SMYD3: variants seen among roughly 807,000 people sequenced by gnomAD.
SMYD3 encodes the protein SET and MYND domain containing 3.
SMYD3 carries 36 observed loss-of-function variants against 57.7 expected under a neutral mutation model. The ratio of observed to expected loss-of-function variants is 0.62; its 90% CI spans 0.48 to 0.82. SMYD3 has a LOEUF of 0.82. Among genes scored for constraint, SMYD3 ranks in the 40% least tolerant of loss-of-function variants. The pLI, the probability that SMYD3 is intolerant of heterozygous loss-of-function variation, is 0.00. For missense variants in SMYD3, 515 were observed against 538.8 expected (o/e 0.96, Z 0.44); for synonymous variants, 211 against 195.0 (o/e 1.08, Z -0.68).
chr1:246,307,445 A>G (rs1320676502), intron 5 of SMYD3, among the ~76,000 whole-genome samples: 6 of 107,910 alleles, frequency 5.6e-5, no homozygotes, highest in South Asian at 3.1e-4. Context: ...TTTGAGACGG[A>G]GTCTCGCTCT....
At chr1:245,786,824 C>T (rs1463827767) in intron 10 of SMYD3, among the ~76,000 whole-genome samples, 1 of 152,074 alleles carries the variant, frequency 6.6e-6, no homozygotes, top group Non-Finnish European at 1.5e-5. Context: ...AATACTGTTG[C>T]TACCAGCTGT....
chr1:246,153,515 T>G (rs1309477023), intron 5 of SMYD3, among the ~76,000 whole-genome samples: 1 of 152,200 alleles, frequency 6.6e-6, no homozygotes, highest in Non-Finnish European at 1.5e-5. Context: ...TCACCCAGGC[T>G]GGAGTGCAGT....
chr1:246,183,529 T>C (rs897295434), intron 5 of SMYD3, among the ~76,000 whole-genome samples: 6 of 151,684 alleles, frequency 4.0e-5, no homozygotes, highest in African/African-American at 1.5e-4. Context: ...TTCCATTTCC[T>C]ACAAGATAAA....
chr1:246,134,849 A>G (rs1385149675), intron 5 of SMYD3, among the ~76,000 whole-genome samples: 1 of 151,844 alleles, frequency 6.6e-6, no homozygotes, highest in African/African-American at 2.4e-5. Flanking sequence ...CTTCAATGCT[A>G]AATAATATCT....
intron 8 of SMYD3, among the ~76,000 whole-genome samples, chr1:245,901,462 A>G (rs1442175916): frequency 2.0e-5 from 3 of 152,260 alleles, no homozygotes; most frequent in Non-Finnish European, 4.4e-5. Flanking sequence ...GAGTAACAGA[A>G]GAAAAGTCCA....
At chr1:246,105,428 C>T (rs1224573533) in intron 5 of SMYD3, among the ~76,000 whole-genome samples, 1 of 152,104 alleles carries the variant, frequency 6.6e-6, no homozygotes, top group Non-Finnish European at 1.5e-5. Flanking sequence ...AGACTCTAGC[C>T]TGCTAAATAT....
At chr1:246,350,901 C>T (rs2065811512) in intron 2 of SMYD3, among the ~76,000 whole-genome samples, 1 of 152,198 alleles carries the variant, frequency 6.6e-6, no homozygotes, top group Non-Finnish European at 1.5e-5. Flanking sequence ...GTAGTACTCC[C>T]TTTGTGTTGA....
chr1:246,425,220 C>A (rs1049559434), intron 1 of SMYD3, among the ~76,000 whole-genome samples: 3 of 151,978 alleles, frequency 2.0e-5, no homozygotes, highest in Non-Finnish European at 2.9e-5. Flanking sequence ...GTAGAGGAAC[C>A]CCAAAACTTT....
chr1:245,903,522 C>T (rs535826653), intron 8 of SMYD3, among the ~76,000 whole-genome samples: 63 of 152,256 alleles, frequency 4.1e-4, no homozygotes, highest in Admixed American at 1.3e-3. Flanking sequence ...GAGAACCAAA[C>T]GCCAGATGAG....
Position 245,864,267 on chromosome 1 carries a change from C to T in SMYD3, c.814-381G>A, listed in dbSNP as rs1465728714. On this transcript the variant is annotated intron_variant, in intron 8 of 11. Transcript: ENST00000490107. ...AACAGTCCTACTCCTAGGTATCTAC[C>T]CAAGATAAATGAACATGTATGTTCA... 2.0e-5 allele frequency among the ~76,000 whole-genome samples: 3 copies of T among 152,098 alleles called. No homozygotes were observed. In the East Asian group the frequency reaches 5.8e-4, roughly 29 times the overall value.
chr1:246,027,045 G>A (rs943146274), intron 5 of SMYD3, among the ~76,000 whole-genome samples: 2 of 152,210 alleles, frequency 1.3e-5, no homozygotes, highest in Admixed American at 6.5e-5. Context: ...GAAAGTCTGA[G>A]TGATCTGGAC....
intron 5 of SMYD3, among the ~76,000 whole-genome samples, chr1:246,124,839 T>C (rs1377830850): frequency 6.6e-6 from 1 of 151,988 alleles, no homozygotes; most frequent in Non-Finnish European, 1.5e-5. Flanking sequence ...TCTTTTCTAC[T>C]TAAAACAAAA....
At chr1:245,796,018 G>A (rs1456158429) in intron 10 of SMYD3, among the ~76,000 whole-genome samples, 1 of 152,068 alleles carries the variant, frequency 6.6e-6, no homozygotes, top group African/African-American at 2.4e-5. Context: ...TCACAAGATC[G>A]CCCAAACCAC....
chr1:245,849,657 A>G (rs1189456506), intron 10 of SMYD3, among the ~76,000 whole-genome samples: 2 of 110,948 alleles, frequency 1.8e-5, no homozygotes, highest in Non-Finnish European at 3.7e-5. Flanking sequence ...ATTTTATATT[A>G]TTTATTTTAT....
intron 1 of SMYD3, among the ~76,000 whole-genome samples, chr1:246,419,791 T>C (rs116646299): frequency 0.021 from 3,247 of 152,324 alleles, 65 homozygotes; most frequent in African/African-American, 0.056. Flanking sequence ...CAAGGTGGAA[T>C]AGTTTCATCT....
At chr1:246,156,848 AG>A (rs577802890) in intron 5 of SMYD3, among the ~76,000 whole-genome samples, 61 of 152,326 alleles carry the variant, frequency 4.0e-4, no homozygotes, top group Middle Eastern at 6.8e-3. Flanking sequence ...AGGAAATCAC[AG>A]GTAAAAAGGT....
At chr1:246,464,890 T>C (rs1306422731) in intron 1 of SMYD3, among the ~76,000 whole-genome samples, 3 of 152,240 alleles carry the variant, frequency 2.0e-5, no homozygotes, top group Non-Finnish European at 4.4e-5. Context: ...AAGAGGGTTT[T>C]GTCATATAAT....
At chr1:246,377,327 A>G (rs1468006843) in intron 1 of SMYD3, among the ~76,000 whole-genome samples, 1 of 151,836 alleles carries the variant, frequency 6.6e-6, no homozygotes, top group African/African-American at 2.4e-5. Flanking sequence ...GAAGACCCAC[A>G]GTATACTCAT....
chr1:246,455,668 A>G (rs2067691634), intron 1 of SMYD3, among the ~76,000 whole-genome samples: 1 of 152,248 alleles, frequency 6.6e-6, no homozygotes, highest in South Asian at 2.1e-4. Flanking sequence ...ATTACCCATG[A>G]TAAATTGATA....
Sources: allele counts gnomAD v4.1 joint callset (sites outside exome capture counted in the v4.1 genomes callset), GRCh38; gene constraint gnomAD v4.1.1; transcripts MANE v1.5; gene names NCBI Gene and HGNC (gene_info 2026-07-23, HGNC 2026-07-21).